Variants in ABI3BP observed in about 807,000 individuals in gnomAD.
The protein encoded by ABI3BP is ABI family member 3 binding protein.
In ABI3BP, 216 loss-of-function variants were observed where a neutral mutation model predicts 268.6. The ratio of observed to expected loss-of-function variants is 0.80; its 90% CI spans 0.72 to 0.90. The LOEUF (loss-of-function observed/expected upper bound fraction) is 0.90, where lower values mean the gene tolerates loss of function less well. Among genes scored for constraint, ABI3BP ranks in the 40% least tolerant of loss-of-function variants. The pLI, the probability that ABI3BP is intolerant of heterozygous loss-of-function variation, is 0.00. For synonymous variants in ABI3BP, 730 were observed against 730.0 expected, an observed-to-expected ratio of 1.00 and a Z score of 0.00; for missense variants, 2,090 against 2,182.4, an observed-to-expected ratio of 0.96 and a Z score of 0.84.
Position 100,889,186 on chromosome 3 carries a change from A to G in ABI3BP, c.462-2863T>C, listed in dbSNP as rs141925002. Among the ~76,000 whole-genome samples, 960 of 152,260 alleles carry G rather than the reference A, an allele frequency of 6.3e-3. 6 individuals carry two copies. Among genetic ancestry groups the G allele is most frequent in the Non-Finnish European group, 7.8e-3 (530 of 67,984 alleles). On this transcript the variant is annotated intron_variant, in intron 4 of 67. Coordinates refer to ENST00000471714, the MANE Select transcript of ABI3BP (RefSeq NM_001375547.2). ...TGCATTATACATTTGCACAGGGCTT[A>G]TGATTTTTATTTACCTATTCCATTT...
intron 54 of ABI3BP, among the ~76,000 whole-genome samples, chr3:100,793,016 C>T (rs1280248197): frequency 2.0e-5 from 3 of 151,768 alleles, no homozygotes; most frequent in Admixed American, 1.3e-4. Flanking sequence ...AGCTCAGGAT[C>T]ATTGTATCAT....
chr3:100,935,954 T>C (rs1185403709), intron 1 of ABI3BP, among the ~76,000 whole-genome samples: 2 of 152,184 alleles, frequency 1.3e-5, no homozygotes, highest in African/African-American at 4.8e-5. Flanking sequence ...CTTTTCGTAC[T>C]TGAGTACCCT....
At chr3:100,835,818 T>A (rs966206517) in intron 27 of ABI3BP, among the ~76,000 whole-genome samples, 158 bp from the exon 28 acceptor site, 1 of 152,188 alleles carries the variant, frequency 6.6e-6, no homozygotes, top group East Asian at 1.9e-4. Context: ...AACTATCATA[T>A]CCATTTATTT....
chr3:100,937,097 G>T (rs778410567), intron 1 of ABI3BP, among the ~76,000 whole-genome samples: 28 of 152,090 alleles, frequency 1.8e-4, no homozygotes, highest in Middle Eastern at 6.8e-3. Context: ...GTCATAGTTT[G>T]CCAACTTTTG....
intron 1 of ABI3BP, among the ~76,000 whole-genome samples, chr3:100,941,558 C>A (rs1403971152): frequency 6.6e-6 from 1 of 152,106 alleles, no homozygotes; most frequent in East Asian, 1.9e-4. Flanking sequence ...CAAATGAGTT[C>A]CAATTCAGCT....
chr3:100,975,879 C>G (rs2085951939), intron 1 of ABI3BP, among the ~76,000 whole-genome samples: 1 of 152,120 alleles, frequency 6.6e-6, no homozygotes, highest in Admixed American at 6.6e-5. Context: ...AGGCACTAAT[C>G]AGAAGACTCC....
intron 1 of ABI3BP, among the ~76,000 whole-genome samples, chr3:100,945,269 C>G (rs777565993): frequency 6.6e-6 from 1 of 152,030 alleles, no homozygotes; most frequent in Non-Finnish European, 1.5e-5. Context: ...AATATTTTCA[C>G]GAGCATATGG....
Position 100,770,849 on chromosome 3 carries a change from G to T in ABI3BP, c.4635C>A (p.Thr1545=). ...PKEEATEGNA[T]SPPQNPPTNL... ...TGGTGGGTGGGTTCTGTGGTGGGCT[G>T]GTGGCATTCCCCTCTGTGGCCTCCT... is the stretch of plus-strand genomic sequence containing the variant. The change falls in exon 62 of 68, where the codon ACC becomes ACA. Residue 1545 remains threonine (T), a synonymous_variant. Transcript: ENST00000471714. The T allele has an allele frequency of 6.2e-7, 1 of 1,605,024 alleles. No homozygotes were observed. The highest frequency in any genetic ancestry group is 1.1e-5 in the South Asian group (1 of 88,584).
intron 1 of ABI3BP, among the ~76,000 whole-genome samples, chr3:100,948,544 A>T (rs559025967): frequency 1.3e-4 from 20 of 152,166 alleles, no homozygotes; most frequent in Non-Finnish European, 2.8e-4. Context: ...AATTGCCGCA[A>T]TTGGCAGAGA....
intron 60 of ABI3BP, 87 bp downstream of exon 60, chr3:100,775,120 A>G: frequency 6.7e-7 from 1 of 1,494,572 alleles, no homozygotes; most frequent in Non-Finnish European, 9.0e-7. Context: ...GAAGACCTCA[A>G]ACTGAGACTC....
chr3:100,819,455 T>G (rs934068433), intron 40 of ABI3BP, among the ~76,000 whole-genome samples: 1 of 152,156 alleles, frequency 6.6e-6, no homozygotes, highest in Non-Finnish European at 1.5e-5. Context: ...CTTTGAATGT[T>G]TCATACTGGG....
At chr3:100,793,330 A>G (rs1255412330) in intron 54 of ABI3BP, among the ~76,000 whole-genome samples, 3 of 152,032 alleles carry the variant, frequency 2.0e-5, no homozygotes, top group African/African-American at 7.2e-5. Flanking sequence ...CATATATTAT[A>G]TAGACACAGC....
intron 66 of ABI3BP, among the ~76,000 whole-genome samples, chr3:100,752,325 T>C (rs2095380279): frequency 6.6e-6 from 1 of 152,232 alleles, no homozygotes; most frequent in African/African-American, 2.4e-5. Flanking sequence ...CTTTTTAATG[T>C]TAGGGCCAGG....
At chr3:100,979,819 T>C (rs763226838) in intron 1 of ABI3BP, among the ~76,000 whole-genome samples, 9 of 152,224 alleles carry the variant, frequency 5.9e-5, no homozygotes, top group Admixed American at 1.3e-4. Context: ...TAGGACTCAA[T>C]GCACATTCCT....
At chr3:100,808,518 T>A (rs1201797540) in intron 49 of ABI3BP, among the ~76,000 whole-genome samples, 1 of 152,072 alleles carries the variant, frequency 6.6e-6, no homozygotes, top group Non-Finnish European at 1.5e-5. Context: ...TGAAAATAAA[T>A]TCATAATTAC....
Position 100,829,153 on chromosome 3 carries a change from AG to A in ABI3BP, c.2542+427del, listed in dbSNP as rs1224138675. On this transcript the variant is annotated intron_variant, in intron 33 of 67. Coordinates refer to ENST00000471714, the MANE Select transcript of ABI3BP (RefSeq NM_001375547.2). ...TTAAGTGGTTGTTAAAAAAAAAAAA[AG>A]AAGAAGAAGAAGAAGAAAATACTAC... Among the ~76,000 whole-genome samples the A allele has an allele frequency of 2.3e-3, 338 of 149,320 alleles. 3 individuals carry two copies. The highest frequency in any genetic ancestry group is 7.6e-3 in the African/African-American group (306 of 40,116).
chr3:100,943,842 ATGTT>A (rs756602135), intron 1 of ABI3BP, among the ~76,000 whole-genome samples: 13 of 152,078 alleles, frequency 8.5e-5, no homozygotes, highest in Non-Finnish European at 1.9e-4. Flanking sequence ...TATTTTTAAA[ATGTT>A]TGATTATATG....
At position 100,829,702 on chromosome 3, in the gene ABI3BP, G is replaced by C. The variant is rs898565279; in HGVS notation, c.2459-38C>G. The C allele has an allele frequency of 9.7e-6, 14 of 1,441,084 alleles. No individual in the cohort carries two copies. In the East Asian group the frequency reaches 1.5e-4, roughly 15 times the overall value. The allele number at this position is 1,441,084 out of a possible 1,614,324, so 89.3% of individuals were successfully genotyped here. A position where few individuals can be genotyped will look rare whatever the true frequency, so the allele number is the denominator to read the frequency against. On this transcript the variant is annotated intron_variant, in intron 32 of 67. Coordinates refer to ENST00000471714, the MANE Select transcript of ABI3BP (RefSeq NM_001375547.2). ...AACTTCAGGTTAATACAGCGTGTTT[G>C]GTTCCGGAAGCTGTGGATAAGATTA...
chr3:100,774,925 T>C (rs2096658238), intron 60 of ABI3BP, among the ~76,000 whole-genome samples: 1 of 152,214 alleles, frequency 6.6e-6, no homozygotes, highest in African/African-American at 2.4e-5. Flanking sequence ...ACTTAAGATA[T>C]GTGTAGTTGG....
Sources: gnomAD v4.1 joint callset for allele counts (sites outside exome capture counted in the v4.1 genomes callset) on GRCh38, gnomAD v4.1.1 for gene constraint, MANE v1.5 for transcripts, NCBI Gene and HGNC (gene_info 2026-07-23, HGNC 2026-07-21) for gene names.